Variants in ST6GAL1 observed in about 807,000 individuals in gnomAD.
ST6GAL1 encodes the protein beta-galactoside alpha-2,6-sialyltransferase 1.
ST6GAL1 carries 20 observed loss-of-function variants against 38.0 expected under a neutral mutation model. That is an observed-to-expected ratio of 0.53 (90% CI 0.37 to 0.77). The LOEUF is 0.77. Ranked by LOEUF, ST6GAL1 falls within the 30% of genes least tolerant of loss-of-function variation. The pLI, the probability that ST6GAL1 is intolerant of heterozygous loss-of-function variation, is 0.00. For synonymous variants in ST6GAL1, 196 were observed against 188.2 expected (o/e 1.04, Z -0.34); for missense variants, 432 against 496.4 (o/e 0.87, Z 1.23).
At chr3:186,960,255 T>G (rs750800451) in intron 1 of ST6GAL1, among the ~76,000 whole-genome samples, 21 of 152,146 alleles carry the variant, frequency 1.4e-4, no homozygotes, top group Non-Finnish European at 2.8e-4. Context: ...TTCTGTGTCA[T>G]CTAGATGCTT....
chr3:186,946,576 C>A (rs904308002), intron 1 of ST6GAL1, among the ~76,000 whole-genome samples: 8 of 152,138 alleles, frequency 5.3e-5, no homozygotes, highest in Middle Eastern at 3.2e-3. Context: ...CAATCCCCAT[C>A]TATCCTTTCA....
intron 2 of ST6GAL1, among the ~76,000 whole-genome samples, chr3:186,988,196 A>G (rs1032612387): frequency 6.6e-6 from 1 of 152,208 alleles, no homozygotes; most frequent in South Asian, 2.1e-4. Context: ...CCTCAGTAAC[A>G]GGATTTCTGT....
Position 187,075,880 on chromosome 3 carries a change from T to C in ST6GAL1, c.*77T>C. 6.3e-7 allele frequency: 1 copy of C among 1,579,372 alleles called. No individual in the cohort carries two copies. Among genetic ancestry groups the C allele is most frequent in the African/African-American group, 1.3e-5 (1 of 74,312 alleles). On this transcript the variant is annotated 3_prime_UTR_variant, in exon 8 of 8. Transcript: ENST00000169298. The surrounding 1 kb of genome is among the most constrained non-coding windows in gnomAD (Gnocchi z 4.1). ...CCACCCCAGCCTGGGAAGAACATTT[T>C]CCTGAACAATTCCAGCCTGCTCCTT...
At position 187,074,158 on chromosome 3, in the gene ST6GAL1, G is replaced by GAA; in HGVS notation, c.805-1_805insAA (p.Trp269AsnfsTer64). The GAA allele has an allele frequency of 6.2e-7, 1 of 1,604,358 alleles. No homozygotes were observed. The highest frequency in any genetic ancestry group is 8.5e-7 in the Non-Finnish European group (1 of 1,175,748). On this transcript the variant is annotated frameshift_variant and splice_region_variant. Coordinates refer to ENST00000169298, the MANE Select transcript of ST6GAL1 (RefSeq NM_173216.2). LOFTEE classifies it high-confidence loss of function. ...GAGAGGACCACTTCTTTCTTTTTCAGTGGTACCAGAATCCGGATTATAATT... is the reference window on the plus strand; with the variant it reads ...GAGAGGACCACTTCTTTCTTTTTCAGAATGGTACCAGAATCCGGATTATAATT...
intron 2 of ST6GAL1, among the ~76,000 whole-genome samples, chr3:187,019,151 G>A (rs1409961105): frequency 6.6e-6 from 1 of 152,092 alleles, no homozygotes. Context: ...GAATCGTGTC[G>A]GGGGAAACAA....
At chr3:186,997,091 T>C (rs964539114) in intron 2 of ST6GAL1, among the ~76,000 whole-genome samples, 1 of 151,838 alleles carries the variant, frequency 6.6e-6, no homozygotes, top group Non-Finnish European at 1.5e-5. Context: ...TTTAGAGACA[T>C]GAGACATGGA....
intron 1 of ST6GAL1, among the ~76,000 whole-genome samples, chr3:186,943,223 C>T (rs1714239728): frequency 6.6e-6 from 1 of 152,132 alleles, no homozygotes; most frequent in South Asian, 2.1e-4. Context: ...TAGCTGTTAG[C>T]CTCTGGGAAA....
At chr3:186,999,235 C>G (rs529974256) in intron 2 of ST6GAL1, among the ~76,000 whole-genome samples, 5 of 150,216 alleles carry the variant, frequency 3.3e-5, no homozygotes, top group African/African-American at 5.1e-5. Context: ...TAACACCACT[C>G]GCCTCGTAGA....
chr3:186,993,498 C>T (rs1381902129), intron 2 of ST6GAL1, among the ~76,000 whole-genome samples: 1 of 152,078 alleles, frequency 6.6e-6, no homozygotes, highest in East Asian at 1.9e-4. Flanking sequence ...CAGAAGCTAC[C>T]CCTTGGCATC....
intron 2 of ST6GAL1, among the ~76,000 whole-genome samples, chr3:186,988,387 T>C (rs1330231841): frequency 6.6e-6 from 1 of 151,894 alleles, no homozygotes; most frequent in East Asian, 1.9e-4. Flanking sequence ...TGACGGAAAA[T>C]TTGAAGCTGA....
intron 5 of ST6GAL1, among the ~76,000 whole-genome samples, chr3:187,068,978 C>T (rs1246959984): frequency 1.3e-5 from 2 of 152,188 alleles, no homozygotes; most frequent in Non-Finnish European, 2.9e-5. Context: ...CCTGCTCTGC[C>T]CTTGGACTAT....
In ST6GAL1 at chr3:186,952,576, C is replaced by T. The variant is rs2108521468; in HGVS notation, c.-324-11209C>T. On this transcript the variant is annotated intron_variant, in intron 1 of 7. Coordinates refer to ENST00000169298, the MANE Select transcript of ST6GAL1 (RefSeq NM_173216.2). The surrounding 1 kb of genome is among the most constrained non-coding windows in gnomAD (Gnocchi z 4.1). ...CTGGAGTGCAGTGGCGCGATCTCAG[C>T]TCACTGCAACCTCCGCCTCCCGGGT... 6.6e-6 allele frequency among the ~76,000 whole-genome samples: 1 copy of T among 152,246 alleles called. No homozygotes were observed. Among genetic ancestry groups the T allele is most frequent in the African/African-American group, 2.4e-5 (1 of 41,558 alleles).
At chr3:187,045,321 T>C (rs1317600877) in intron 4 of ST6GAL1, among the ~76,000 whole-genome samples, 1 of 152,114 alleles carries the variant, frequency 6.6e-6, no homozygotes, top group African/African-American at 2.4e-5. Flanking sequence ...CAAGATTTTC[T>C]ATCAGAGAGA....
chr3:187,052,178 A>G (rs1003468849), intron 5 of ST6GAL1, among the ~76,000 whole-genome samples: 2 of 152,020 alleles, frequency 1.3e-5, no homozygotes, highest in Non-Finnish European at 2.9e-5. Flanking sequence ...TTCCTTCTCT[A>G]CTAGGGCTCC....
intron 2 of ST6GAL1, among the ~76,000 whole-genome samples, chr3:187,012,822 A>T (rs1229238090): frequency 6.6e-6 from 1 of 152,080 alleles, no homozygotes; most frequent in Non-Finnish European, 1.5e-5. Context: ...TGAGGGTGGG[A>T]GGTGCGGTGA....
rs551464453 is a variant in ST6GAL1 at position 186,982,880 on chromosome 3, C to T, written c.-183+18954C>T. Among the ~76,000 whole-genome samples, 50 of 122,722 alleles carry T rather than the reference C, an allele frequency of 4.1e-4. No homozygotes were observed. The South Asian group carries it at 0.013, about 31-fold the overall frequency. The allele number at this position is 122,722 out of a possible 152,430, so 80.5% of individuals were successfully genotyped here. Reference sequence around the variant, plus strand: ...TATTTTTAGTAGAGACGGGGTTTCACCATTTTGGCCAGGCTGGTCTTGAAC... The same window carrying T: ...TATTTTTAGTAGAGACGGGGTTTCATCATTTTGGCCAGGCTGGTCTTGAAC... On this transcript the variant is annotated intron_variant, in intron 2 of 7. Coordinates refer to ENST00000169298, the MANE Select transcript of ST6GAL1 (RefSeq NM_173216.2).
At chr3:187,048,334 T>C (rs6800338) in intron 4 of ST6GAL1, among the ~76,000 whole-genome samples, 95,788 of 151,956 alleles carry the variant, frequency 0.63, 30,748 homozygotes, top group African/African-American at 0.74. Context: ...TCTGTAACTG[T>C]ATCTTTGATT....
chr3:187,039,493 G>C (rs116007552), intron 3 of ST6GAL1, among the ~76,000 whole-genome samples: 2,127 of 152,302 alleles, frequency 0.014, 32 homozygotes, highest in East Asian at 0.045. Context: ...AGCAGGGATA[G>C]TGCGGAAGGG....
At chr3:187,036,322 C>A (rs890708025) in intron 2 of ST6GAL1, among the ~76,000 whole-genome samples, 5 of 152,116 alleles carry the variant, frequency 3.3e-5, no homozygotes, top group African/African-American at 9.7e-5. Flanking sequence ...AGTTCAGCCA[C>A]CATGAAAAGC....
Sources: gnomAD v4.1 joint callset for allele counts (sites outside exome capture counted in the v4.1 genomes callset) on GRCh38, gnomAD v4.1.1 for gene constraint, Gnocchi (gnomAD v3.1) non-coding constraint, MANE v1.5 for transcripts, NCBI Gene and HGNC (gene_info 2026-07-23, HGNC 2026-07-21) for gene names.